MEI4: variants seen among roughly 807,000 people sequenced by gnomAD.
MEI4 encodes the protein meiotic double-stranded break formation protein 4.
Under a neutral mutation model 31.4 loss-of-function variants are expected in MEI4, and 27 were observed. The observed-to-expected ratio is 0.86, with a 90% CI of 0.63 to 1.19. The LOEUF is 1.19. Among genes scored for constraint, MEI4 ranks in the 50% most tolerant of loss-of-function variants. MEI4 has a pLI of 0.00. For missense variants in MEI4, 329 were observed against 398.9 expected, an observed-to-expected ratio of 0.82 and a Z score of 1.49; for synonymous variants, 122 against 145.4, an observed-to-expected ratio of 0.84 and a Z score of 1.16.
At chr6:77,732,948 G>A (rs531845715) in intron 2 of MEI4, among the ~76,000 whole-genome samples, 1 of 150,828 alleles carries the variant, frequency 6.6e-6, no homozygotes, top group African/African-American at 2.4e-5. Context: ...TGCATATATT[G>A]AACCAGCCTT....
chr6:77,795,060 G>A (rs1379816536), intron 3 of MEI4, among the ~76,000 whole-genome samples: 1 of 151,998 alleles, frequency 6.6e-6, no homozygotes, highest in African/African-American at 2.4e-5. Context: ...CTAGCTTATG[G>A]GTTGTAGTAA....
At chr6:77,689,795 C>CCTGAATATTCT (rs1769124298) in intron 1 of MEI4, among the ~76,000 whole-genome samples, 1 of 151,952 alleles carries the variant, frequency 6.6e-6, no homozygotes, top group African/African-American at 2.4e-5. Context: ...AACTGAAAGT[C>CCTGAATATTCT]CTGAATATTC....
chr6:77,908,576 T>G (rs1766354152), intron 4 of MEI4, among the ~76,000 whole-genome samples: 1 of 152,116 alleles, frequency 6.6e-6, no homozygotes, highest in South Asian at 2.1e-4. Flanking sequence ...TGAAGTCAGG[T>G]AGCATGATGC....
intron 1 of MEI4, among the ~76,000 whole-genome samples, chr6:77,682,482 G>A (rs985165593): frequency 6.6e-6 from 1 of 152,174 alleles, no homozygotes; most frequent in East Asian, 1.9e-4. Flanking sequence ...AGTGGAAATA[G>A]TGAAGAAAGG....
At chr6:77,899,799 T>C (rs1018485760) in intron 4 of MEI4, among the ~76,000 whole-genome samples, 2 of 152,110 alleles carry the variant, frequency 1.3e-5, no homozygotes, top group Non-Finnish European at 2.9e-5. Context: ...ACATTTTCTT[T>C]ATTCATTCAT....
intron 3 of MEI4, among the ~76,000 whole-genome samples, chr6:77,795,420 C>T (rs1769048452): frequency 6.6e-6 from 1 of 152,046 alleles, no homozygotes; most frequent in African/African-American, 2.4e-5. Context: ...AGCCTTTTGT[C>T]CTACCTACCC....
In MEI4 at chr6:77,923,133, C is replaced by T; in HGVS notation, c.945C>T (p.Tyr315=). Residue 315 remains tyrosine, a synonymous_variant, in exon 5 of 5, where the codon TAC becomes TAT. Coordinates refer to ENST00000684080, the MANE Select transcript of MEI4 (RefSeq NM_001322247.2). The part of the protein sequence containing the change: ...YDVSRYENIF[Y]LFWVLEQLLQ... ...TGTCACGCTATGAAAACATTTTCTA[C>T]CTGTTCTGGGTTCTGGAGCAGCTTC... 8.1e-7 allele frequency: 1 copy of T among 1,230,434 alleles called. No homozygotes were observed. Among genetic ancestry groups the T allele is most frequent in the Non-Finnish European group, 1.0e-6 (1 of 986,780 alleles). The allele number at this position is 1,230,434 out of a possible 1,614,324, so 76.2% of individuals were successfully genotyped here.
chr6:77,731,078 C>G (rs1281119469), intron 2 of MEI4, among the ~76,000 whole-genome samples: 1 of 151,930 alleles, frequency 6.6e-6, no homozygotes, highest in Non-Finnish European at 1.5e-5. Context: ...ACTAGTGCCT[C>G]AATAAACATA....
At chr6:77,836,660 G>A (rs1190856360) in intron 4 of MEI4, among the ~76,000 whole-genome samples, 3 of 151,998 alleles carry the variant, frequency 2.0e-5, no homozygotes, top group South Asian at 2.1e-4. Flanking sequence ...AACAAAATAA[G>A]CATTTTTAAT....
At chr6:77,818,226 T>C (rs537733642) in intron 3 of MEI4, among the ~76,000 whole-genome samples, 26 of 152,290 alleles carry the variant, frequency 1.7e-4, no homozygotes, top group African/African-American at 5.8e-4. Context: ...AAAATGAACA[T>C]CTCTGGAAAA....
chr6:77,883,717 GAT>G lies in MEI4; in HGVS notation c.901-39346_901-39345del, dbSNP rs570185624. 2.8e-3 allele frequency among the ~76,000 whole-genome samples: 121 copies of G among 43,194 alleles called. 3 individuals carry two copies. The highest frequency in any genetic ancestry group is 0.011 in the East Asian group (8 of 708). 28.3% of individuals were successfully genotyped at this position (43,194 alleles called of 152,430 possible). A position where few individuals can be genotyped will look rare whatever the true frequency, so the allele number is the denominator to read the frequency against. On this transcript the variant is annotated intron_variant, in intron 4 of 4. Transcript: ENST00000684080. ...TATGCAATGAAATGCTATTATGTAA[GAT>G]ATATATATATATATATATATATATA...
intron 1 of MEI4, among the ~76,000 whole-genome samples, chr6:77,689,681 T>C (rs1769121841): frequency 6.6e-6 from 1 of 151,932 alleles, no homozygotes; most frequent in South Asian, 2.1e-4. Context: ...TCTGGTTGAG[T>C]GTGATCCAAC....
chr6:77,882,130 C>T (rs749776250), intron 4 of MEI4, among the ~76,000 whole-genome samples: 2 of 152,156 alleles, frequency 1.3e-5, no homozygotes, highest in African/African-American at 2.4e-5. Flanking sequence ...CTACAGAACT[C>T]AGGAAAGCAC....
intron 4 of MEI4, among the ~76,000 whole-genome samples, chr6:77,908,914 A>T (rs1214165156): frequency 6.6e-6 from 1 of 152,122 alleles, no homozygotes; most frequent in African/African-American, 2.4e-5. Flanking sequence ...GGGAGACTTT[A>T]ACACCCCACT....
intron 3 of MEI4, among the ~76,000 whole-genome samples, chr6:77,776,351 G>T (rs1768441827): frequency 6.6e-6 from 1 of 151,834 alleles, no homozygotes; most frequent in South Asian, 2.1e-4. Context: ...AAATATCTAT[G>T]CCTTCTTCCA....
intron 2 of MEI4, among the ~76,000 whole-genome samples, chr6:77,719,419 C>T (rs1766663450): frequency 8.2e-6 from 1 of 121,372 alleles, no homozygotes; most frequent in Non-Finnish European, 1.7e-5. Flanking sequence ...GTACTTCTAC[C>T]AACCAATTTT....
chr6:77,744,513 G>C (rs1018140072), intron 2 of MEI4, among the ~76,000 whole-genome samples: 1 of 152,002 alleles, frequency 6.6e-6, no homozygotes, highest in Non-Finnish European at 1.5e-5. Context: ...TGAAAGTGAT[G>C]GGGAGAATGG....
intron 4 of MEI4, among the ~76,000 whole-genome samples, chr6:77,832,443 T>G (rs1770106911): frequency 6.6e-6 from 1 of 152,010 alleles, no homozygotes; most frequent in Non-Finnish European, 1.5e-5. Context: ...TAAAGATTAA[T>G]GGAGGATTCA....
intron 2 of MEI4, among the ~76,000 whole-genome samples, chr6:77,751,075 CA>C (rs1334642484): frequency 1.3e-5 from 2 of 151,898 alleles, no homozygotes; most frequent in African/African-American, 4.8e-5. Context: ...CCAATAAGAA[CA>C]AAGACAAAAT....
Sources: allele counts gnomAD v4.1 joint callset (sites outside exome capture counted in the v4.1 genomes callset), GRCh38; gene constraint gnomAD v4.1.1; transcripts MANE v1.5; gene names NCBI Gene and HGNC (gene_info 2026-07-23, HGNC 2026-07-21).